Variants in PPP1R12A observed in about 807,000 individuals in gnomAD.
PPP1R12A encodes the protein myosin binding subunit.
Under a neutral mutation model 139.6 loss-of-function variants are expected in PPP1R12A, and 19 were observed. The observed-to-expected ratio is 0.14, with a 90% CI of 0.09 to 0.20. The LOEUF (loss-of-function observed/expected upper bound fraction) is 0.20, where lower values mean the gene tolerates loss of function less well. Ranked by LOEUF, PPP1R12A falls within the 10% of genes least tolerant of loss-of-function variation. The pLI is 1.00. For synonymous variants in PPP1R12A, 427 were observed against 420.6 expected (o/e 1.02, Z -0.19); for missense variants, 925 against 1,211.5 (o/e 0.76, Z 3.51).
intron 3 of PPP1R12A, 29 bp from the exon 4 acceptor site, chr12:79,832,520 T>A (rs1565766104): frequency 1.9e-6 from 3 of 1,547,810 alleles, no homozygotes; most frequent in Middle Eastern, 1.7e-4. Context: ...TTCTTTTTAT[T>A]TTTGCTTAAA....
chr12:79,873,559 G>C (rs1335917292), intron 1 of PPP1R12A, among the ~76,000 whole-genome samples: 1 of 150,052 alleles, frequency 6.7e-6, no homozygotes, highest in Non-Finnish European at 1.5e-5. Context: ...CCATCTACTT[G>C]AGAGGCTGAG....
At chr12:79,826,621 A>G (rs1424022283) in intron 5 of PPP1R12A, among the ~76,000 whole-genome samples, 1 of 152,214 alleles carries the variant, frequency 6.6e-6, no homozygotes, top group Non-Finnish European at 1.5e-5. Flanking sequence ...AAAAAAGGAT[A>G]TAAGGCAAAA....
chr12:79,894,699 CCT>C (rs1488031661), intron 1 of PPP1R12A, among the ~76,000 whole-genome samples: 1 of 152,150 alleles, frequency 6.6e-6, no homozygotes, highest in Non-Finnish European at 1.5e-5. Flanking sequence ...ATCACGCACT[CCT>C]TTGTCATTTT....
chr12:79,790,116 C>G (rs1158997154), intron 20 of PPP1R12A, among the ~76,000 whole-genome samples: 1 of 151,994 alleles, frequency 6.6e-6, no homozygotes, highest in Non-Finnish European at 1.5e-5. Flanking sequence ...TCTCTTTTGT[C>G]TAAAGCAGGG....
intron 1 of PPP1R12A, among the ~76,000 whole-genome samples, chr12:79,924,681 G>A (rs1432916173): frequency 2.6e-5 from 4 of 152,026 alleles, no homozygotes; most frequent in African/African-American, 4.8e-5. Context: ...CTCCCACCTC[G>A]GCCTCCCAAA....
chr12:79,880,532 A>T (rs973501168), intron 1 of PPP1R12A, among the ~76,000 whole-genome samples: 3 of 152,220 alleles, frequency 2.0e-5, no homozygotes, highest in African/African-American at 7.2e-5. Flanking sequence ...TCAACAGACG[A>T]ACAGAATCTG....
chr12:79,911,515 C>T (rs1886561631), intron 1 of PPP1R12A, among the ~76,000 whole-genome samples: 1 of 152,058 alleles, frequency 6.6e-6, no homozygotes, highest in Non-Finnish European at 1.5e-5. Context: ...ACCTGGGTGA[C>T]AAAATAATCT....
chr12:79,873,301 G>A (rs952339148), intron 1 of PPP1R12A, among the ~76,000 whole-genome samples: 1 of 152,082 alleles, frequency 6.6e-6, no homozygotes, highest in African/African-American at 2.4e-5. Flanking sequence ...CCTTTAGGGA[G>A]TTGATTAGGG....
intron 2 of PPP1R12A, among the ~76,000 whole-genome samples, chr12:79,862,968 C>CA (rs1370290608): frequency 6.6e-6 from 1 of 152,082 alleles, no homozygotes; most frequent in Non-Finnish European, 1.5e-5. Flanking sequence ...ATACAGAGAA[C>CA]ACCACAAAGA....
Position 79,842,575 on chromosome 12 carries a change from TTGTGTGTGTGTGTGTGTG to T in PPP1R12A, c.487+2709_487+2726del, listed in dbSNP as rs148792533. ...TATAACAAAAATCACATGTGGCACT[TTGTGTGTGTGTGTGTGTG>T]TGTGTGTGTGTGTGTGTGTGTGAGT... On this transcript the variant is annotated intron_variant, in intron 3 of 24. Coordinates refer to ENST00000450142, the MANE Select transcript of PPP1R12A (RefSeq NM_002480.3). Among the ~76,000 whole-genome samples, 8 of 143,934 alleles carry T rather than the reference TTGTGTGTGTGTGTGTGTG, an allele frequency of 5.6e-5. No individual in the cohort carries two copies. The South Asian group carries it at 6.7e-4, about 12-fold the overall frequency. 94.4% of individuals were successfully genotyped at this position (143,934 alleles called of 152,430 possible). A position where few individuals can be genotyped will look rare whatever the true frequency, so the allele number is the denominator to read the frequency against.
chr12:79,786,298 A>C, intron 22 of PPP1R12A, 76 bp downstream of exon 22: 1 of 913,632 alleles, frequency 1.1e-6, no homozygotes, highest in Non-Finnish European at 1.6e-6. Context: ...GTATTAGAAA[A>C]AATTTTAATA....
At chr12:79,851,417 GA>G (rs1880026948) in intron 2 of PPP1R12A, among the ~76,000 whole-genome samples, 1 of 152,122 alleles carries the variant, frequency 6.6e-6, no homozygotes, top group Non-Finnish European at 1.5e-5. Context: ...TCAGACCTTT[GA>G]AAGTTTTCTT....
upstream of PPP1R12A, chr12:79,935,272 C>A (rs1888582871): frequency 1.8e-6 from 2 of 1,091,768 alleles, no homozygotes; most frequent in Non-Finnish European, 1.1e-6. Flanking sequence ...CCAGGAAGAG[C>A]GCTCCCGCGA....
chr12:79,802,180 T>C (rs1273569261), intron 14 of PPP1R12A, among the ~76,000 whole-genome samples: 2 of 152,160 alleles, frequency 1.3e-5, no homozygotes, highest in Non-Finnish European at 2.9e-5. Flanking sequence ...CAATAAAATA[T>C]TGAAAGGTCT....
At chr12:79,848,855 G>C (rs1263506117) in intron 2 of PPP1R12A, 1 of 152,042 alleles carries the variant, frequency 6.6e-6, no homozygotes, top group African/African-American at 2.4e-5. Flanking sequence ...CAATTCAAAG[G>C]TTGGAGGGGT....
chr12:79,784,908 G>A, intron 22 of PPP1R12A, among the ~76,000 whole-genome samples: 1 of 152,114 alleles, frequency 6.6e-6, no homozygotes, highest in Middle Eastern at 3.2e-3. Flanking sequence ...CAAAGTGCTG[G>A]AATTACAGGC....
chr12:79,912,778 A>G (rs1351665046), intron 1 of PPP1R12A, among the ~76,000 whole-genome samples: 1 of 152,150 alleles, frequency 6.6e-6, no homozygotes, highest in Non-Finnish European at 1.5e-5. Context: ...ATCCCTATCA[A>G]CTATAAACAT....
intron 16 of PPP1R12A, 98 bp downstream of exon 16, chr12:79,797,097 T>TA: frequency 7.5e-7 from 1 of 1,340,860 alleles, no homozygotes; most frequent in South Asian, 1.5e-5. Context: ...TTACAGTATT[T>TA]TGCATATGGT....
rs144434226 is a variant in PPP1R12A, at chr12:79,835,981, A to G, written c.488-3490T>C. Among the ~76,000 whole-genome samples the G allele has an allele frequency of 2.7e-3, 410 of 152,360 alleles. 2 individuals carry two copies. Among genetic ancestry groups the G allele is most frequent in the African/African-American group, 9.5e-3 (396 of 41,590 alleles). ...AACTGAAGCTCAGCTTTTAAAAAGC[A>G]GACAATAATTCAGAAATATTTTTAA... is the stretch of plus-strand genomic sequence containing the variant. On this transcript the variant is annotated intron_variant, in intron 3 of 24. Coordinates refer to ENST00000450142, the MANE Select transcript of PPP1R12A (RefSeq NM_002480.3).
Sources: gnomAD v4.1 joint callset for allele counts (sites outside exome capture counted in the v4.1 genomes callset) on GRCh38, gnomAD v4.1.1 for gene constraint, MANE v1.5 for transcripts, NCBI Gene and HGNC (gene_info 2026-07-23, HGNC 2026-07-21) for gene names.